The following RTF2 variants were observed in gnomAD, a reference collection of about 807,000 sequenced individuals.
RTF2 encodes UPF0549 protein C20orf43.
Under a neutral mutation model 38.0 loss-of-function variants are expected in RTF2, and 18 were observed. That is an observed-to-expected ratio of 0.47 (90% CI 0.33 to 0.70). The LOEUF (loss-of-function observed/expected upper bound fraction) is 0.70, where lower values mean the gene tolerates loss of function less well. Among genes scored for constraint, RTF2 ranks in the 30% least tolerant of loss-of-function variants. The pLI, the probability that RTF2 is intolerant of heterozygous loss-of-function variation, is 0.02. For missense variants in RTF2, 311 were observed against 379.6 expected, an observed-to-expected ratio of 0.82 and a Z score of 1.50; for synonymous variants, 126 against 137.1, an observed-to-expected ratio of 0.92 and a Z score of 0.57.
In RTF2 at chr20:56,484,116, G is replaced by C. The variant is rs1427733993; in HGVS notation, c.404G>C (p.Cys135Ser). 1.2e-6 allele frequency: 2 copies of C among 1,613,940 alleles called. No homozygotes were observed. The highest frequency in any genetic ancestry group is 1.7e-6 in the Non-Finnish European group (2 of 1,179,970). The change falls in exon 5 of 9, where the codon TGC becomes TCC. Residue 135 changes from cysteine (C) to serine (S), a missense_variant. By Grantham distance (112) the Cys-to-Ser change is moderately radical (BLOSUM62 -1). Coordinates refer to ENST00000357348, the MANE Select transcript of RTF2 (RefSeq NM_016407.5). ...CCACTGGGTTATTTCTCCAGGTTCT[G>C]CTTCCTTCGGTGCTGCGGCTGTGTG... ...GLEMNGRHRF[C>S]FLRCCGCVFS...
At chr20:56,470,089 CATAAT>C (rs1981878477) in intron 1 of RTF2, among the ~76,000 whole-genome samples, 1 of 152,156 alleles carries the variant, frequency 6.6e-6, no homozygotes, top group African/African-American at 2.4e-5. Context: ...GTGTCAGCCA[CATAAT>C]AGACACCTAA....
At chr20:56,495,217 G>T in intron 5 of RTF2, 2 of 1,550,730 alleles carry the variant, frequency 1.3e-6, no homozygotes, top group South Asian at 1.2e-5. Context: ...CATCCATCAT[G>T]AACATTTCCT....
chr20:56,495,863 T>C (rs978014568), intron 5 of RTF2, among the ~76,000 whole-genome samples: 6 of 152,212 alleles, frequency 3.9e-5, no homozygotes, highest in Admixed American at 2.0e-4. Context: ...AAGGATGGTA[T>C]CTGATTTCCC....
At chr20:56,471,229 C>G (rs150953484) in intron 1 of RTF2, among the ~76,000 whole-genome samples, 7 of 152,054 alleles carry the variant, frequency 4.6e-5, no homozygotes, top group African/African-American at 1.7e-4. Context: ...ACATTTTGTC[C>G]GAAGTGTTCT....
At chr20:56,513,240 G>A in intron 5 of RTF2, 75 bp from the exon 6 acceptor site, 3 of 1,533,668 alleles carry the variant, frequency 2.0e-6, no homozygotes, top group Non-Finnish European at 2.6e-6. Flanking sequence ...GCTTGGGGCT[G>A]AGAGTGGGGG....
At chr20:56,500,988 T>A (rs938684503) in intron 5 of RTF2, among the ~76,000 whole-genome samples, 2 of 151,874 alleles carry the variant, frequency 1.3e-5, no homozygotes, top group Non-Finnish European at 2.9e-5. Context: ...TTAAAAAAAA[T>A]CTTTTAAAAA....
chr20:56,505,091 G>T (rs1015440363), intron 5 of RTF2, among the ~76,000 whole-genome samples: 2 of 152,158 alleles, frequency 1.3e-5, no homozygotes, highest in Non-Finnish European at 2.9e-5. Flanking sequence ...GATCTAGCAA[G>T]AATCAGAAAA....
chr20:56,478,286 A>G (rs902605400), intron 4 of RTF2, among the ~76,000 whole-genome samples: 1 of 152,132 alleles, frequency 6.6e-6, no homozygotes. Flanking sequence ...GCTAGGAGTT[A>G]GAGACCAGCC....
At chr20:56,486,062 G>A (rs746609178) in intron 5 of RTF2, among the ~76,000 whole-genome samples, 1 of 152,178 alleles carries the variant, frequency 6.6e-6, no homozygotes, top group Non-Finnish European at 1.5e-5. Flanking sequence ...TAGCGGTGCT[G>A]CTCTGGGGAG....
At chr20:56,480,687 A>G (rs1477998785) in intron 4 of RTF2, among the ~76,000 whole-genome samples, 1 of 152,208 alleles carries the variant, frequency 6.6e-6, no homozygotes, top group Non-Finnish European at 1.5e-5. Flanking sequence ...TTGGACACTT[A>G]AAGGCCATTG....
intron 2 of RTF2, among the ~76,000 whole-genome samples, chr20:56,473,816 A>T (rs1982094901): frequency 6.6e-6 from 1 of 152,146 alleles, no homozygotes; most frequent in African/African-American, 2.4e-5. Flanking sequence ...TGAGTCTGGG[A>T]GGTTGAAGCT....
At chr20:56,487,428 G>A (rs949099701) in intron 5 of RTF2, among the ~76,000 whole-genome samples, 1 of 152,162 alleles carries the variant, frequency 6.6e-6, no homozygotes, top group Admixed American at 6.5e-5. Flanking sequence ...ACCAGGTGAC[G>A]AACAGGAGCG....
chr20:56,485,552 G>T (rs186453798), intron 5 of RTF2, among the ~76,000 whole-genome samples: 1 of 152,184 alleles, frequency 6.6e-6, no homozygotes, highest in African/African-American at 2.4e-5. Flanking sequence ...GGTGGCTCCC[G>T]TTACCTAGGC....
chr20:56,517,981 A>C, intron 8 of RTF2, 106 bp from the exon 9 acceptor site: 18 of 1,141,348 alleles, frequency 1.6e-5, no homozygotes, highest in Non-Finnish European at 2.0e-5. Context: ...ACAGCCAGCA[A>C]GAGAACGTCT....
chr20:56,500,025 A>C (rs937672757), intron 5 of RTF2, among the ~76,000 whole-genome samples: 2 of 150,600 alleles, frequency 1.3e-5, no homozygotes, highest in Non-Finnish European at 1.5e-5. Flanking sequence ...GGTGTGAACC[A>C]CTGCGCCCGG....
intron 5 of RTF2, among the ~76,000 whole-genome samples, chr20:56,503,566 A>G (rs1197339993): frequency 6.6e-6 from 1 of 152,200 alleles, no homozygotes; most frequent in Non-Finnish European, 1.5e-5. Flanking sequence ...AGTGGGGGCT[A>G]TTTTTGAGAG....
intron 5 of RTF2, chr20:56,497,125 CA>C: frequency 6.4e-7 from 1 of 1,551,572 alleles, no homozygotes; most frequent in Non-Finnish European, 8.7e-7. Flanking sequence ...AAAACGTTTT[CA>C]AAACAGTTAA....
chr20:56,493,656 CAAAA>C (rs57274640), intron 5 of RTF2, among the ~76,000 whole-genome samples: 2 of 118,054 alleles, frequency 1.7e-5, no homozygotes, highest in African/African-American at 3.2e-5. Context: ...GACCCTGTCT[CAAAA>C]AAAAAAAAAA....
intron 6 of RTF2, 84 bp downstream of exon 6, chr20:56,513,512 T>G: frequency 6.6e-7 from 1 of 1,520,376 alleles, no homozygotes; most frequent in African/African-American, 1.4e-5. Flanking sequence ...TGGCAGCTGC[T>G]TAGGGGTTTG....
Sources: allele counts gnomAD v4.1 joint callset (sites outside exome capture counted in the v4.1 genomes callset), GRCh38; gene constraint gnomAD v4.1.1; transcripts MANE v1.5; gene names NCBI Gene and HGNC (gene_info 2026-07-23, HGNC 2026-07-21).